The following SAMMSON variants were observed in gnomAD, a reference collection of about 807,000 sequenced individuals.
SAMMSON encodes the protein survival associated mitochondrial melanoma specific oncogenic non-coding RNA, also known as long intergenic non-protein coding RNA 1212.
chr3:70,212,916 C>T (rs187393669), intron 4 of SAMMSON, among the ~76,000 whole-genome samples: 10 of 152,158 alleles, frequency 6.6e-5, no homozygotes, highest in African/African-American at 2.2e-4. Flanking sequence ...ATCTCAGTCT[C>T]CTGAGTAGCA....
chr3:70,290,350 G>C (rs958199205), intron 6 of SAMMSON, among the ~76,000 whole-genome samples: 1 of 152,182 alleles, frequency 6.6e-6, no homozygotes, highest in Non-Finnish European at 1.5e-5. Flanking sequence ...CTGTTGGGGG[G>C]TGCCTCCCAG....
intron 4 of SAMMSON, chr3:70,075,039 A>G (rs1235616415): frequency 6.6e-6 from 1 of 151,920 alleles, no homozygotes; most frequent in African/African-American, 2.4e-5. Flanking sequence ...ACCCCTCCAC[A>G]CCAGGAACTC....
At chr3:70,317,957 C>T (rs1702507175) in intron 7 of SAMMSON, among the ~76,000 whole-genome samples, 1 of 151,606 alleles carries the variant, frequency 6.6e-6, no homozygotes, top group Admixed American at 6.6e-5. Flanking sequence ...TGTTCTCTCT[C>T]TTTCTCTTTT....
intron 9 of SAMMSON, among the ~76,000 whole-genome samples, chr3:70,376,179 A>G (rs944963761): frequency 3.3e-5 from 5 of 152,316 alleles, no homozygotes; most frequent in South Asian, 2.1e-4. Context: ...GGGTTTATTC[A>G]GGAATAACAA....
At chr3:70,267,020 C>A (rs1701922380) in intron 6 of SAMMSON, among the ~76,000 whole-genome samples, 1 of 152,140 alleles carries the variant, frequency 6.6e-6, no homozygotes, top group South Asian at 2.1e-4. Flanking sequence ...GTTTTCTTAG[C>A]TAAACTCTCA....
intron 9 of SAMMSON, among the ~76,000 whole-genome samples, chr3:70,359,799 A>G (rs187788653): frequency 4.5e-4 from 69 of 152,238 alleles, no homozygotes; most frequent in Non-Finnish European, 8.4e-4. Context: ...TATTTTAGAG[A>G]TAATAATGAT....
At chr3:70,413,918 T>G (rs1701242394) in intron 2 of SAMMSON, among the ~76,000 whole-genome samples, 1 of 152,108 alleles carries the variant, frequency 6.6e-6, no homozygotes, top group Admixed American at 6.6e-5. Context: ...GTCTAAACAG[T>G]GTGCTTGAAG....
chr3:70,136,899 C>G (rs1472385115), intron 4 of SAMMSON, among the ~76,000 whole-genome samples: 1 of 152,014 alleles, frequency 6.6e-6, no homozygotes, highest in East Asian at 1.9e-4. Context: ...AAAACATATT[C>G]AAAGGAAATA....
At chr3:70,230,259 G>A (rs1701545214) in intron 4 of SAMMSON, among the ~76,000 whole-genome samples, 1 of 152,108 alleles carries the variant, frequency 6.6e-6, no homozygotes, top group South Asian at 2.1e-4. Context: ...AGTAAACATA[G>A]TTTAACACCA....
intron 6 of SAMMSON, among the ~76,000 whole-genome samples, chr3:70,290,174 T>C (rs1240988673): frequency 1.3e-5 from 2 of 152,320 alleles, no homozygotes; most frequent in African/African-American, 2.4e-5. Context: ...TTCTGTTTTT[T>C]CCCCATCTTT....
chr3:70,100,300 T>C (rs2067338755), intron 4 of SAMMSON, among the ~76,000 whole-genome samples: 1 of 151,940 alleles, frequency 6.6e-6, no homozygotes, highest in African/African-American at 2.4e-5. Flanking sequence ...ATACGAGCCA[T>C]AACATCCGGC....
At chr3:70,190,284 C>G (rs182551584) in intron 4 of SAMMSON, among the ~76,000 whole-genome samples, 1 of 152,278 alleles carries the variant, frequency 6.6e-6, no homozygotes, top group Admixed American at 6.5e-5. Context: ...CTTCATCACC[C>G]CATGCCTTAT....
intron 4 of SAMMSON, among the ~76,000 whole-genome samples, chr3:70,203,156 C>A (rs1017260329): frequency 6.6e-6 from 1 of 152,086 alleles, no homozygotes; most frequent in Non-Finnish European, 1.5e-5. Flanking sequence ...CACAATCCCT[C>A]CTCATCCTCC....
intron 4 of SAMMSON, among the ~76,000 whole-genome samples, chr3:70,238,905 C>T (rs1242871164): frequency 6.6e-6 from 1 of 152,118 alleles, no homozygotes; most frequent in Non-Finnish European, 1.5e-5. Flanking sequence ...ATTTTCTTCC[C>T]ATCTCTTTTT....
At chr3:70,124,414 T>C (rs373419528) in intron 4 of SAMMSON, among the ~76,000 whole-genome samples, 5 of 152,226 alleles carry the variant, frequency 3.3e-5, no homozygotes, top group African/African-American at 1.2e-4. Context: ...GTTCGGTAAT[T>C]AGGTACTAGG....
intron 6 of SAMMSON, among the ~76,000 whole-genome samples, chr3:70,256,093 G>A (rs1196689608): frequency 6.6e-6 from 1 of 152,160 alleles, no homozygotes; most frequent in African/African-American, 2.4e-5. Flanking sequence ...AGGGTTTTAG[G>A]TAATGGAGCA....
intron 3 of SAMMSON, among the ~76,000 whole-genome samples, chr3:70,062,356 T>C (rs1383012773): frequency 2.0e-5 from 3 of 152,082 alleles, no homozygotes; most frequent in African/African-American, 7.2e-5. Flanking sequence ...AGAATGCACA[T>C]TTTGTAGGTC....
intron 7 of SAMMSON, among the ~76,000 whole-genome samples, chr3:70,328,384 G>T (rs553922630): frequency 6.6e-6 from 1 of 152,232 alleles, no homozygotes; most frequent in East Asian, 1.9e-4. Context: ...TGATAGAATT[G>T]GTAGACAGGA....
chr3:70,089,171 A>T (rs1186670716), intron 4 of SAMMSON, among the ~76,000 whole-genome samples: 2 of 152,192 alleles, frequency 1.3e-5, no homozygotes, highest in East Asian at 3.9e-4. Flanking sequence ...TCCCAAGAAG[A>T]TAGGTTTATT....
Sources: gnomAD v4.1 joint callset for allele counts (sites outside exome capture counted in the v4.1 genomes callset) on GRCh38, gnomAD v4.1.1 for gene constraint, MANE v1.5 for transcripts, NCBI Gene and HGNC (gene_info 2026-07-23, HGNC 2026-07-21) for gene names.